The following RBFOX2 variants were observed in gnomAD, a reference collection of about 807,000 sequenced individuals.
RBFOX2 encodes RNA binding fox-1 homolog 2.
Under a neutral mutation model 49.1 loss-of-function variants are expected in RBFOX2, and 10 were observed. The observed-to-expected ratio is 0.20, with a 90% CI of 0.13 to 0.35. RBFOX2 has a LOEUF of 0.35. RBFOX2 is among the 10% of genes least tolerant of loss of function. The pLI is 1.00. For synonymous variants in RBFOX2, 183 were observed against 187.4 expected (o/e 0.98, Z 0.19); for missense variants, 323 against 486.9 (o/e 0.66, Z 3.17).
chr22:35,909,909 G>C (rs1448972114), intron 1 of RBFOX2, among the ~76,000 whole-genome samples: 5 of 152,088 alleles, frequency 3.3e-5, no homozygotes, highest in African/African-American at 7.2e-5. Flanking sequence ...CACTGTGCCG[G>C]GCCTTACTTT....
At chr22:36,014,890 C>T (rs1288400004) in intron 1 of RBFOX2, among the ~76,000 whole-genome samples, 2 of 152,148 alleles carry the variant, frequency 1.3e-5, no homozygotes, top group Non-Finnish European at 2.9e-5. Context: ...TTAATGCTTA[C>T]GTATGAAGGT....
At chr22:35,828,066 C>G (rs1956108635) in intron 1 of RBFOX2, among the ~76,000 whole-genome samples, 1 of 150,200 alleles carries the variant, frequency 6.7e-6, no homozygotes, top group Non-Finnish European at 1.5e-5. Context: ...GAGGCTGAGG[C>G]AGGAGAATTG....
chr22:36,028,300 G>C, exon 1 of RBFOX2: 1 of 1,531,990 alleles, frequency 6.5e-7, no homozygotes, highest in Non-Finnish European at 8.7e-7. Context: ...TGCTCAGGCC[G>C]GGATCGGCTC....
rs534250901 is a variant in RBFOX2 at position 36,016,346 on chromosome 22, T to C, written c.186+11894A>G. 3.3e-5 allele frequency among the ~76,000 whole-genome samples: 5 copies of C among 152,212 alleles called. No homozygotes were observed. In the South Asian group the frequency reaches 8.3e-4, roughly 25 times the overall value. ...TGTAGTTCCTCTAGTTTTACTCACATAGCTTCTGCCTCCACCCCAATCCCC... is the reference window on the plus strand; with the variant it reads ...TGTAGTTCCTCTAGTTTTACTCACACAGCTTCTGCCTCCACCCCAATCCCC... On this transcript the variant is annotated intron_variant, in intron 1 of 13. Transcript: ENST00000438146.
chr22:35,944,624 T>C (rs1457552402), intron 1 of RBFOX2, among the ~76,000 whole-genome samples: 1 of 152,062 alleles, frequency 6.6e-6, no homozygotes, highest in Non-Finnish European at 1.5e-5. Context: ...CATTGACCAA[T>C]AAAACAATAA....
At chr22:35,872,505 G>C (rs746131102) in intron 1 of RBFOX2, among the ~76,000 whole-genome samples, 1 of 152,212 alleles carries the variant, frequency 6.6e-6, no homozygotes, top group Non-Finnish European at 1.5e-5. Flanking sequence ...TGGACAATGA[G>C]TGCAAAGTTT....
chr22:35,881,726 C>T (rs1603433522), intron 1 of RBFOX2, among the ~76,000 whole-genome samples: 2 of 151,750 alleles, frequency 1.3e-5, no homozygotes, highest in African/African-American at 4.8e-5. Flanking sequence ...TTTGGGAGGC[C>T]GAGGCGGGTG....
intron 1 of RBFOX2, among the ~76,000 whole-genome samples, chr22:35,984,715 A>C (rs2057621314): frequency 6.6e-6 from 1 of 152,182 alleles, no homozygotes; most frequent in South Asian, 2.1e-4. Context: ...TTTTTGTGGC[A>C]CATGAACAAA....
chr22:35,846,291 A>G (rs2041189663), intron 1 of RBFOX2, among the ~76,000 whole-genome samples: 1 of 149,210 alleles, frequency 6.7e-6, no homozygotes, highest in African/African-American at 2.4e-5. Flanking sequence ...TACACAAACT[A>G]TATAAGTATA....
chr22:35,876,697 AAGAAAC>A (rs1304480186), intron 1 of RBFOX2, among the ~76,000 whole-genome samples: 6 of 139,018 alleles, frequency 4.3e-5, no homozygotes, highest in Non-Finnish European at 7.8e-5. Context: ...CTCCCATTAA[AAGAAAC>A]ACACACACAC....
intron 1 of RBFOX2, among the ~76,000 whole-genome samples, chr22:35,960,724 C>T (rs745967956): frequency 2.0e-5 from 3 of 152,136 alleles, no homozygotes; most frequent in Admixed American, 6.6e-5. Context: ...GACAACACCA[C>T]AAAATCACGA....
chr22:35,989,470 G>A (rs1003581325), intron 1 of RBFOX2, among the ~76,000 whole-genome samples: 7 of 152,022 alleles, frequency 4.6e-5, no homozygotes, highest in Admixed American at 3.3e-4. Flanking sequence ...TGGTGATTTT[G>A]GAGAAAAGAG....
At chr22:35,931,260 A>T (rs572550213) in intron 1 of RBFOX2, among the ~76,000 whole-genome samples, 2 of 151,966 alleles carry the variant, frequency 1.3e-5, no homozygotes, top group East Asian at 3.9e-4. Flanking sequence ...ACAGGGGGGA[A>T]AAAAAGCAAT....
intron 1 of RBFOX2, among the ~76,000 whole-genome samples, chr22:35,944,842 G>A (rs1265332387): frequency 6.6e-6 from 1 of 152,098 alleles, no homozygotes; most frequent in Non-Finnish European, 1.5e-5. Context: ...TTGGGAGGGT[G>A]AGGTGGGAGG....
chr22:35,739,463 G>A (rs1310404859), exon 12 of RBFOX2: 1 of 152,320 alleles, frequency 6.6e-6, no homozygotes, highest in Non-Finnish European at 1.5e-5. Context: ...TATAACACAA[G>A]AAAAACAATT....
At chr22:35,970,896 T>G (rs1387783045) in intron 1 of RBFOX2, among the ~76,000 whole-genome samples, 1 of 152,230 alleles carries the variant, frequency 6.6e-6, no homozygotes, top group South Asian at 2.1e-4. Flanking sequence ...ATGGCAGAGT[T>G]TCTGTAATCA....
chr22:36,019,027 A>T (rs1383429845), intron 1 of RBFOX2, among the ~76,000 whole-genome samples: 4 of 152,216 alleles, frequency 2.6e-5, no homozygotes, highest in Non-Finnish European at 5.9e-5. Flanking sequence ...ATTTCCATAG[A>T]CAAAATGAGA....
intron 1 of RBFOX2, among the ~76,000 whole-genome samples, chr22:35,892,029 G>A (rs1258816652): frequency 1.3e-5 from 2 of 152,168 alleles, no homozygotes; most frequent in African/African-American, 4.8e-5. Context: ...TACCCTCAAC[G>A]TGATACAGAA....
chr22:35,851,069 T>C (rs2041883247), intron 1 of RBFOX2, among the ~76,000 whole-genome samples: 1 of 152,208 alleles, frequency 6.6e-6, no homozygotes, highest in East Asian at 1.9e-4. Context: ...AGTATTACCA[T>C]GCCCTCCATG....
Sources: gnomAD v4.1 joint callset for allele counts (sites outside exome capture counted in the v4.1 genomes callset) on GRCh38, gnomAD v4.1.1 for gene constraint, MANE v1.5 for transcripts, NCBI Gene and HGNC (gene_info 2026-07-23, HGNC 2026-07-21) for gene names.